The following NFATC1 variants were observed in gnomAD, a reference collection of about 807,000 sequenced individuals.
The protein encoded by NFATC1 is nuclear factor of activated T cells 1, also known as nuclear factor of activated T-cells, cytoplasmic 1.
A neutral mutation model predicts 76.0 loss-of-function variants in NFATC1; 22 were observed. The observed-to-expected ratio is 0.29, with a 90% CI of 0.21 to 0.41. The LOEUF (loss-of-function observed/expected upper bound fraction) is 0.41. Ranked by LOEUF, NFATC1 falls within the 10% of genes least tolerant of loss-of-function variation. NFATC1 has a pLI of 1.00. For missense variants in NFATC1, 1,357 were observed against 1,337.7 expected, an observed-to-expected ratio of 1.01 and a Z score of -0.23; for synonymous variants, 704 against 613.1, an observed-to-expected ratio of 1.15 and a Z score of -2.19.
At chr18:79,448,722 G>A (rs753163007) in intron 3 of NFATC1, 60 bp from the exon 4 acceptor site, 45 of 1,552,432 alleles carry the variant, frequency 2.9e-5, no homozygotes, top group Non-Finnish European at 3.7e-5. Context: ...TCTGCGTTCC[G>A]GTGACTCCCG....
At chr18:79,487,804 G>A (rs895266642) in intron 9 of NFATC1, among the ~76,000 whole-genome samples, 9 of 151,962 alleles carry the variant, frequency 5.9e-5, no homozygotes, top group South Asian at 2.1e-4. Flanking sequence ...CTGGCCCTGC[G>A]GTTTGTGTGC....
At chr18:79,396,475 C>A in intron 1 of NFATC1, 124 bp downstream of exon 1, 2 of 529,444 alleles carry the variant, frequency 3.8e-6, no homozygotes, top group Non-Finnish European at 5.2e-6. Context: ...TCGGCCGGGT[C>A]TGTGCGCCCA....
At chr18:79,525,964 C>T (rs1376904755) in intron 9 of NFATC1, among the ~76,000 whole-genome samples, 1 of 152,270 alleles carries the variant, frequency 6.6e-6, no homozygotes, top group Admixed American at 6.5e-5. Flanking sequence ...CACAGCAGGG[C>T]ACGGAGCTCC....
At chr18:79,517,007 T>C (rs2090401766) in intron 9 of NFATC1, among the ~76,000 whole-genome samples, 1 of 152,268 alleles carries the variant, frequency 6.6e-6, no homozygotes, top group Non-Finnish European at 1.5e-5. Context: ...TCATGCCCCT[T>C]TGTAATGAAC....
At chr18:79,482,272 T>C (rs1162744457) in intron 8 of NFATC1, among the ~76,000 whole-genome samples, 2 of 136,202 alleles carry the variant, frequency 1.5e-5, no homozygotes, top group African/African-American at 2.8e-5. Context: ...TGGGGTGTAA[T>C]TCCAGTGTGA....
rs2085288564 is a variant in NFATC1, at chr18:79,402,166, G to A, written c.127+5815G>A. Among the ~76,000 whole-genome samples, 5 of 152,368 alleles carry A rather than the reference G, an allele frequency of 3.3e-5. No homozygotes were observed. In the South Asian group the frequency reaches 1.0e-3, roughly 32 times the overall value. ...CAGCCTCGGGAAGGACACCGCCGGCGGCGGCATCCTCCTGTGACTGCACAG... is the reference window on the plus strand; with the variant it reads ...CAGCCTCGGGAAGGACACCGCCGGCAGCGGCATCCTCCTGTGACTGCACAG... On this transcript the variant is annotated intron_variant, in intron 1 of 9. Coordinates refer to ENST00000427363, the MANE Select transcript of NFATC1 (RefSeq NM_001278669.2).
At chr18:79,426,752 A>G in intron 2 of NFATC1, among the ~76,000 whole-genome samples, 1 of 152,136 alleles carries the variant, frequency 6.6e-6, no homozygotes, top group East Asian at 1.9e-4. Context: ...GCATTTTTAA[A>G]CTTGATTCTG....
intron 1 of NFATC1, chr18:79,400,325 CG>C (rs1452421988): frequency 1.5e-6 from 2 of 1,324,484 alleles, no homozygotes; most frequent in Non-Finnish European, 1.9e-6. Context: ...GCGCGGGCAG[CG>C]CCGGGAGAAC....
intron 9 of NFATC1, among the ~76,000 whole-genome samples, chr18:79,500,149 A>G (rs749618707): frequency 6.6e-6 from 1 of 152,182 alleles, no homozygotes; most frequent in Non-Finnish European, 1.5e-5. Context: ...TACAGAGTGC[A>G]CATAGGATAG....
At chr18:79,403,646 G>T (rs2085339740) in intron 1 of NFATC1, among the ~76,000 whole-genome samples, 1 of 152,290 alleles carries the variant, frequency 6.6e-6, no homozygotes, top group South Asian at 2.1e-4. Context: ...CTCTCTGGCA[G>T]TCGGGGCCAC....
chr18:79,518,937 A>G (rs2090449000), intron 9 of NFATC1, among the ~76,000 whole-genome samples: 1 of 152,236 alleles, frequency 6.6e-6, no homozygotes, highest in South Asian at 2.1e-4. Context: ...GAGATGCTGA[A>G]GAGTCCGCCC....
chr18:79,425,540 G>A (rs756882640), intron 2 of NFATC1, among the ~76,000 whole-genome samples: 31 of 152,324 alleles, frequency 2.0e-4, no homozygotes, highest in Non-Finnish European at 4.3e-4. Flanking sequence ...GAGCACGTGC[G>A]GGCTTTAACC....
intron 6 of NFATC1, among the ~76,000 whole-genome samples, chr18:79,458,863 G>C (rs1454719186): frequency 6.6e-6 from 1 of 152,258 alleles, no homozygotes; most frequent in Non-Finnish European, 1.5e-5. Flanking sequence ...CAGCAGTCTC[G>C]GCGCTTTGTC....
At chr18:79,424,485 C>T (rs1408150648) in intron 2 of NFATC1, among the ~76,000 whole-genome samples, 1 of 122,480 alleles carries the variant, frequency 8.2e-6, no homozygotes, top group East Asian at 2.2e-4. Context: ...CTCTTTGTCT[C>T]TCCATCTCTG....
rs961763884 is a variant in NFATC1 at position 79,486,750 on chromosome 18, C to T, written c.2595C>T (p.Ser865=). The change falls in exon 9 of 10, where the codon AGC becomes AGT. Residue 865 remains serine, a synonymous_variant. Transcript: ENST00000427363. ...AGCCGACCTGCCTGCAGCCCTGCAG[C>T]CCAGCGTGCCCGCCCGCCACGGGCC... is the stretch of plus-strand genomic sequence containing the variant. ...TQEPTCLQPC[S]PACPPATGRP... 2 of 1,602,798 alleles carry T rather than the reference C, an allele frequency of 1.2e-6. No homozygotes were observed. The highest frequency in any genetic ancestry group is 1.7e-6 in the Non-Finnish European group (2 of 1,176,306).
chr18:79,412,499 G>A (rs901519727), intron 2 of NFATC1, among the ~76,000 whole-genome samples: 1 of 152,024 alleles, frequency 6.6e-6, no homozygotes, highest in Non-Finnish European at 1.5e-5. Context: ...CACTCAGGGG[G>A]CGAGACCCCG....
At chr18:79,433,818 C>T (rs1243731659) in intron 3 of NFATC1, 80 bp downstream of exon 3, 8 of 1,515,868 alleles carry the variant, frequency 5.3e-6, no homozygotes, top group Non-Finnish European at 5.3e-6. Flanking sequence ...GCTAACTGTG[C>T]TTAGACTCTC....
chr18:79,451,587 G>A (rs550668631), intron 5 of NFATC1, 89 bp from the exon 6 acceptor site: 14 of 1,362,664 alleles, frequency 1.0e-5, no homozygotes, highest in Middle Eastern at 2.6e-4. Flanking sequence ...TGGGTGGGTC[G>A]GCTCACGTGT....
At chr18:79,399,663 T>C (rs2085117525) in intron 1 of NFATC1, among the ~76,000 whole-genome samples, 1 of 152,110 alleles carries the variant, frequency 6.6e-6, no homozygotes, top group African/African-American at 2.4e-5. Flanking sequence ...GAGGTGCCCC[T>C]AGAAGGACCG....
Sources: allele counts gnomAD v4.1 joint callset (sites outside exome capture counted in the v4.1 genomes callset), GRCh38; gene constraint gnomAD v4.1.1; transcripts MANE v1.5; gene names NCBI Gene and HGNC (gene_info 2026-07-23, HGNC 2026-07-21).